The following CACNA1B variants were observed in gnomAD, a reference collection of about 807,000 sequenced individuals.
CACNA1B encodes the protein voltage-dependent N-type calcium channel subunit alpha-1B.
Under a neutral mutation model 247.2 loss-of-function variants are expected in CACNA1B, and 70 were observed. The observed-to-expected ratio is 0.28, with a 90% CI of 0.23 to 0.35. The LOEUF (loss-of-function observed/expected upper bound fraction) is 0.35. Ranked by LOEUF, CACNA1B falls within the 10% of genes least tolerant of loss-of-function variation. The pLI is 1.00. For synonymous variants in CACNA1B, 1,231 were observed against 1,294.4 expected (o/e 0.95, Z 1.05); for missense variants, 2,367 against 3,197.4 (o/e 0.74, Z 6.26).
chr9:138,021,698 A>G (rs540110234), intron 18 of CACNA1B, among the ~76,000 whole-genome samples: 1 of 152,352 alleles, frequency 6.6e-6, no homozygotes, highest in East Asian at 1.9e-4. Context: ...TGGGACCCTG[A>G]GCAAGTAACA....
chr9:138,073,460 G>A lies in CACNA1B; in HGVS notation c.4675-28G>A, dbSNP rs754262554. On this transcript the variant is annotated intron_variant, in intron 32 of 46. Transcript: ENST00000371372. This position sits in a 1 kb window ranked among gnomAD's most constrained non-coding sequence, Gnocchi z 6.4. ...GCCTGCGCTTTCGGGGCTTCTGAAG[G>A]TCAGAGAACAATTCCTCTTCTCTGC... 7.0e-7 allele frequency: 1 copy of A among 1,432,546 alleles called. No individual in the cohort carries two copies. Among genetic ancestry groups the A allele is most frequent in the African/African-American group, 1.4e-5 (1 of 71,364 alleles). 88.7% of individuals were successfully genotyped at this position (1,432,546 alleles called of 1,614,324 possible).
In CACNA1B at chr9:138,122,137, C is replaced by T. The variant is rs1962125120; in HGVS notation, c.*138C>T. ...GAGGCTCCTGTGGCCCCTCCCTCCC[C>T]CTCCTCCCCTCTTTTACTCTAGACG... On this transcript the variant is annotated 3_prime_UTR_variant, in exon 47 of 47. Coordinates refer to ENST00000371372, the MANE Select transcript of CACNA1B (RefSeq NM_000718.4). The T allele has an allele frequency of 1.4e-6, 1 of 691,452 alleles. No homozygotes were observed. The highest frequency in any genetic ancestry group is 2.9e-5 in the Admixed American group (1 of 34,456). 42.8% of individuals were successfully genotyped at this position (691,452 alleles called of 1,614,324 possible).
rs1307935506 is a variant in CACNA1B at position 138,050,266 on chromosome 9, G to A, written c.3710+951G>A. On this transcript the variant is annotated intron_variant, in intron 24 of 46. Coordinates refer to ENST00000371372, the MANE Select transcript of CACNA1B (RefSeq NM_000718.4). The surrounding 1 kb of genome is among the most constrained non-coding windows in gnomAD (Gnocchi z 5.2). ...CCTGCCATGCCTCTGGGAGCGGGGC[G>A]GGGAGCTGGGCTGGAGCTGGGCATG... Among the ~76,000 whole-genome samples, 1 of 152,170 alleles carries A rather than the reference G, an allele frequency of 6.6e-6. No homozygotes were observed. The highest frequency in any genetic ancestry group is 1.5e-5 in the Non-Finnish European group (1 of 68,020).
intron 20 of CACNA1B, among the ~76,000 whole-genome samples, chr9:138,032,212 A>T (rs1958995775): frequency 1.3e-5 from 2 of 152,008 alleles, no homozygotes; most frequent in Non-Finnish European, 2.9e-5. Flanking sequence ...TGTGTATTAC[A>T]TTATATATAC....
At chr9:137,884,147 A>G (rs1588975948) in intron 3 of CACNA1B, among the ~76,000 whole-genome samples, 1 of 152,348 alleles carries the variant, frequency 6.6e-6, no homozygotes, top group Non-Finnish European at 1.5e-5. Flanking sequence ...GGGTGAGAGC[A>G]GCATGTACAG....
chr9:137,911,252 A>G (rs1157397296), intron 3 of CACNA1B, among the ~76,000 whole-genome samples: 1 of 152,002 alleles, frequency 6.6e-6, no homozygotes, highest in Non-Finnish European at 1.5e-5. Flanking sequence ...GTTTTTGTTT[A>G]ATAGTTTACT....
At chr9:138,031,976 G>C (rs894300039) in intron 20 of CACNA1B, among the ~76,000 whole-genome samples, 1 of 152,040 alleles carries the variant, frequency 6.6e-6, no homozygotes, top group African/African-American at 2.4e-5. Flanking sequence ...TGCATATTTA[G>C]ATTGTTTACA....
chr9:138,096,867 C>A (rs374269608), intron 37 of CACNA1B, among the ~76,000 whole-genome samples: 6 of 149,964 alleles, frequency 4.0e-5, no homozygotes, highest in Admixed American at 2.0e-4. Context: ...ACCTTGAGTT[C>A]AGTTCCTTGG....
chr9:138,032,276 A>G (rs531007005), intron 20 of CACNA1B, among the ~76,000 whole-genome samples: 2 of 152,258 alleles, frequency 1.3e-5, no homozygotes, highest in South Asian at 4.1e-4. Flanking sequence ...TGTGAAATAT[A>G]GAAGCTTTAC....
chr9:138,120,972 T>A (rs1266046562), intron 46 of CACNA1B, 91 bp downstream of exon 46: 3 of 1,407,838 alleles, frequency 2.1e-6, no homozygotes, highest in Non-Finnish European at 2.9e-6. Flanking sequence ...CCCCAGGGCC[T>A]CGCTGCTGCC....
intron 3 of CACNA1B, among the ~76,000 whole-genome samples, chr9:137,897,520 C>T (rs565368491): frequency 5.4e-4 from 82 of 152,070 alleles, no homozygotes; most frequent in Non-Finnish European, 1.1e-3. Context: ...GTAGAGGTTG[C>T]GATGAGCCGA....
At chr9:137,883,828 A>G (rs7045921) in intron 3 of CACNA1B, among the ~76,000 whole-genome samples, 4,284 of 151,970 alleles carry the variant, frequency 0.028, 216 homozygotes, top group African/African-American at 0.098. Flanking sequence ...CAGGCCCCAC[A>G]GCAGGCGAGA....
chr9:138,103,736 G>A (rs1464336597), intron 38 of CACNA1B, among the ~76,000 whole-genome samples: 1 of 152,234 alleles, frequency 6.6e-6, no homozygotes, highest in Non-Finnish European at 1.5e-5. Flanking sequence ...CGTGCCTAGA[G>A]CTTTTCTGAT....
Position 138,047,453 on chromosome 9 carries a change from A to T in CACNA1B, c.3598A>T (p.Ile1200Leu), listed in dbSNP as rs758880355. 6.2e-7 allele frequency: 1 copy of T among 1,609,152 alleles called. No individual in the cohort carries two copies. The highest frequency in any genetic ancestry group is 1.7e-5 in the Admixed American group (1 of 60,016). The change falls in exon 23 of 47, where the codon ATA becomes TTA. Residue 1200 changes from isoleucine (I) to leucine (L), a missense_variant. Physicochemically the swap from Ile to Leu is conservative, Grantham distance 5 (BLOSUM62 2). Around this residue, in one of 12 missense-constraint regions of CACNA1B, gnomAD observed 436 missense variants for 679.5 expected, o/e 0.64. Transcript: ENST00000371372. ...TGGTGTCTTTACCTTTGAGATGGTG[A>T]TAAAGGTGAGATATGTGGCTGCCCT... ...FTGVFTFEMVIKMIDLGLLLH... is the reference protein window; with the variant it reads ...FTGVFTFEMVLKMIDLGLLLH...
At chr9:137,886,427 G>C (rs1167150615) in intron 3 of CACNA1B, among the ~76,000 whole-genome samples, 3 of 152,096 alleles carry the variant, frequency 2.0e-5, no homozygotes, top group Non-Finnish European at 4.4e-5. Flanking sequence ...CCTGCCCTCT[G>C]CTCAGCTCTC....
chr9:138,071,635 A>G (rs914594547), intron 32 of CACNA1B, among the ~76,000 whole-genome samples: 4 of 152,128 alleles, frequency 2.6e-5, no homozygotes, highest in Non-Finnish European at 5.9e-5. Flanking sequence ...GGTCTCCACA[A>G]AAACAGAAAG....
Position 138,115,621 on chromosome 9 carries a change from G to A in CACNA1B, c.5719G>A (p.Gly1907Arg). 2 of 1,613,790 alleles carry A rather than the reference G, an allele frequency of 1.2e-6. No homozygotes were observed. Among genetic ancestry groups the A allele is most frequent in the Non-Finnish European group, 1.7e-6 (2 of 1,179,826 alleles). ...GCAGACACAGCCGGCTGTGCTCCGA[G>A]GAGCCCGGGTTTTCCTTCGACAGAA... ...LEQTQPAVLR[G>R]ARVFLRQKSS... Residue 1907 changes from glycine to arginine, a missense_variant, in exon 42 of 47, where the codon GGA becomes AGA. Physicochemically the swap from Gly to Arg is moderately radical, Grantham distance 125. Transcript: ENST00000371372.
At chr9:138,026,381 C>T (rs1378641228) in intron 20 of CACNA1B, among the ~76,000 whole-genome samples, 1 of 152,148 alleles carries the variant, frequency 6.6e-6, no homozygotes, top group Non-Finnish European at 1.5e-5. Flanking sequence ...GGTTCCCTAC[C>T]TGGCTTTTAT....
Position 138,053,843 on chromosome 9 carries a change from C to T in CACNA1B, c.3808-3C>T. 2 of 1,611,206 alleles carry T rather than the reference C, an allele frequency of 1.2e-6. No homozygotes were observed. The highest frequency in any genetic ancestry group is 1.7e-6 in the Non-Finnish European group (2 of 1,177,566). On this transcript the variant is annotated splice_region_variant and splice_polypyrimidine_tract_variant and intron_variant, in intron 25 of 46. Transcript: ENST00000371372. ...CATCATGGCTCCACCCCTCCTCCTGCAGGCTGTGTTTGACTGTGTGGTGAA... is the reference window on the plus strand; with the variant it reads ...CATCATGGCTCCACCCCTCCTCCTGTAGGCTGTGTTTGACTGTGTGGTGAA...
Sources: gnomAD v4.1 joint callset for allele counts (sites outside exome capture counted in the v4.1 genomes callset) on GRCh38, gnomAD v4.1.1 for gene constraint, gnomAD v4.1.1 regional missense constraint, Gnocchi (gnomAD v3.1) non-coding constraint, MANE v1.5 for transcripts, NCBI Gene and HGNC (gene_info 2026-07-23, HGNC 2026-07-21) for gene names.